The following EPHX2 variants were observed in gnomAD, a reference collection of about 807,000 sequenced individuals.
EPHX2 encodes epoxide hydrolase 2.
Under a neutral mutation model 78.7 loss-of-function variants are expected in EPHX2, and 74 were observed. The ratio of observed to expected loss-of-function variants is 0.94; its 90% CI spans 0.78 to 1.14. The LOEUF is 1.14. Among genes scored for constraint, EPHX2 ranks in the 50% most tolerant of loss-of-function variants. EPHX2 has a pLI of 0.00. For missense variants in EPHX2, 715 were observed against 702.5 expected, an observed-to-expected ratio of 1.02 and a Z score of -0.20; for synonymous variants, 251 against 255.2, an observed-to-expected ratio of 0.98 and a Z score of 0.16.
intron 1 of EPHX2, among the ~76,000 whole-genome samples, chr8:27,496,058 GT>G (rs1418060178): frequency 6.6e-6 from 1 of 152,146 alleles, no homozygotes; most frequent in Non-Finnish European, 1.5e-5. Flanking sequence ...CCCCACAACT[GT>G]TTTAATGTCT....
At chr8:27,512,097 CAAG>C in intron 6 of EPHX2, 187 bp downstream of exon 6, 2 of 144,020 alleles carry the variant, frequency 1.4e-5, no homozygotes, top group Non-Finnish European at 2.5e-5. Flanking sequence ...AACCCTGTCT[CAAG>C]AAAAAAAAAA....
intron 12 of EPHX2, among the ~76,000 whole-genome samples, chr8:27,534,130 A>G (rs991870325): frequency 6.6e-6 from 1 of 152,052 alleles, no homozygotes; most frequent in African/African-American, 2.4e-5. Flanking sequence ...TCCCATGGCT[A>G]TTTCTCACTG....
chr8:27,535,337 G>T (rs1004462996), intron 12 of EPHX2, among the ~76,000 whole-genome samples: 18 of 151,958 alleles, frequency 1.2e-4, no homozygotes, highest in African/African-American at 4.4e-4. Context: ...CACCATGCCC[G>T]GCTAATTTTG....
At chr8:27,527,010 G>A (rs1027735782) in intron 12 of EPHX2, among the ~76,000 whole-genome samples, 3 of 151,924 alleles carry the variant, frequency 2.0e-5, no homozygotes, top group Admixed American at 6.6e-5. Flanking sequence ...GCGCAATCTC[G>A]GCTCACTGCA....
chr8:27,505,649 C>T (rs1813977828), intron 4 of EPHX2, among the ~76,000 whole-genome samples: 1 of 152,128 alleles, frequency 6.6e-6, no homozygotes, highest in Non-Finnish European at 1.5e-5. Flanking sequence ...GATTAAATTC[C>T]TTTCCCTCAC....
chr8:27,543,866 C>T (rs748101314), intron 17 of EPHX2, 37 bp downstream of exon 17: 1 of 1,608,432 alleles, frequency 6.2e-7, no homozygotes, highest in East Asian at 2.2e-5. Context: ...CATCAGTGCA[C>T]CCCGGGAGAG....
In EPHX2 at chr8:27,525,409, T is replaced by C. The variant is rs1814808666; in HGVS notation, c.1106T>C (p.Met369Thr). Reference protein sequence around the residue: ...NTPFIPANPNMSPLESIKANP... With the variant: ...NTPFIPANPNTSPLESIKANP... ...CCCTTCATACCAGCAAATCCCAACA[T>C]GTCCCCTTTGGAGAGTATCAAAGCC... The change falls in exon 12 of 19, where the codon ATG becomes ACG. Residue 369 changes from methionine to threonine, a missense_variant. Met to Thr is a moderately conservative substitution (Grantham distance 81). Coordinates refer to ENST00000521400, the MANE Select transcript of EPHX2 (RefSeq NM_001979.6). 2 of 1,614,152 alleles carry C rather than the reference T, an allele frequency of 1.2e-6. No homozygotes were observed. The highest frequency in any genetic ancestry group is 1.7e-6 in the Non-Finnish European group (2 of 1,180,018).
intron 6 of EPHX2, among the ~76,000 whole-genome samples, chr8:27,513,275 T>G (rs1814321606): frequency 6.6e-6 from 1 of 152,186 alleles, no homozygotes. Context: ...CTGACATCCC[T>G]TCTATAACTC....
chr8:27,544,408 G>A (rs932219717), intron 18 of EPHX2, 36 bp from the exon 19 acceptor site: 1 of 1,612,434 alleles, frequency 6.2e-7, no homozygotes, highest in Non-Finnish European at 8.5e-7. Context: ...AAGTGTGAAT[G>A]GCTATTTTTT....
intron 12 of EPHX2, among the ~76,000 whole-genome samples, chr8:27,527,464 T>G (rs1814890105): frequency 6.6e-6 from 1 of 152,202 alleles, no homozygotes; most frequent in Non-Finnish European, 1.5e-5. Flanking sequence ...ATGTACATTG[T>G]TGTGCAGCCA....
chr8:27,533,203 A>G (rs530627493), intron 12 of EPHX2, among the ~76,000 whole-genome samples: 5 of 152,350 alleles, frequency 3.3e-5, no homozygotes, highest in African/African-American at 1.2e-4. Context: ...AATGGGCATT[A>G]TCTCATTTAA....
At chr8:27,496,601 C>G (rs1413466072) in intron 1 of EPHX2, among the ~76,000 whole-genome samples, 2 of 152,204 alleles carry the variant, frequency 1.3e-5, no homozygotes, top group Non-Finnish European at 2.9e-5. Context: ...AAATCTTGTA[C>G]TAGTCTCCAC....
intron 5 of EPHX2, among the ~76,000 whole-genome samples, chr8:27,510,550 T>TA (rs1814200156): frequency 6.6e-6 from 1 of 152,166 alleles, no homozygotes; most frequent in African/African-American, 2.4e-5. Flanking sequence ...TAACCTCTAA[T>TA]ACCTCAGGAT....
intron 11 of EPHX2, among the ~76,000 whole-genome samples, chr8:27,525,107 TGCGCGC>T (rs1182901102): frequency 9.7e-6 from 1 of 103,456 alleles, no homozygotes; most frequent in African/African-American, 3.6e-5. Context: ...TGTGTGTGTG[TGCGCGC>T]GCGCGCGCGC....
At chr8:27,548,150 G>A (rs1049023324), downstream of EPHX2, among the ~76,000 whole-genome samples, 7 of 152,128 alleles carry the variant, frequency 4.6e-5, no homozygotes, top group Admixed American at 2.0e-4. Flanking sequence ...CAGGAGACCC[G>A]TCTTCTAAAA....
chr8:27,507,127 C>G (rs1480790032), intron 5 of EPHX2, 133 bp downstream of exon 5: 10 of 1,137,272 alleles, frequency 8.8e-6, no homozygotes, highest in Non-Finnish European at 1.2e-5. Context: ...GGTTGGGAGT[C>G]CATCACCCAC....
chr8:27,494,911 T>A (rs1813519126), intron 1 of EPHX2, among the ~76,000 whole-genome samples: 1 of 152,226 alleles, frequency 6.6e-6, no homozygotes, highest in African/African-American at 2.4e-5. Context: ...CTGTTTCGGT[T>A]GGGGAATACT....
At chr8:27,539,005 A>G (rs1187814015) in intron 14 of EPHX2, 1 of 338,298 alleles carries the variant, frequency 3.0e-6, no homozygotes, top group African/African-American at 2.1e-5. Flanking sequence ...GCTTACCTCT[A>G]TGGGGGTCAC....
At position 27,491,207 on chromosome 8, in the gene EPHX2, C is replaced by T. The variant is rs1813360526; in HGVS notation, c.-2C>T. On this transcript the variant is annotated 5_prime_UTR_variant, in exon 1 of 19. Transcript: ENST00000521400. Reference sequence around the variant, plus strand: ...CGGGTGCTAGGCTGCAGACCCGCCGCCATGACGCTGCGCGCGGCCGTCTTC... The same window carrying T: ...CGGGTGCTAGGCTGCAGACCCGCCGTCATGACGCTGCGCGCGGCCGTCTTC... The T allele has an allele frequency of 1.6e-5, 26 of 1,579,480 alleles. No individual in the cohort carries two copies. In the East Asian group the frequency reaches 4.4e-4, roughly 27 times the overall value.
Sources: allele counts gnomAD v4.1 joint callset (sites outside exome capture counted in the v4.1 genomes callset), GRCh38; gene constraint gnomAD v4.1.1; transcripts MANE v1.5; gene names NCBI Gene and HGNC (gene_info 2026-07-23, HGNC 2026-07-21).